SPECC1: variants seen among roughly 807,000 people sequenced by gnomAD.
SPECC1 encodes the protein sperm antigen with calponin homology and coiled-coil domains 1.
SPECC1 carries 62 observed loss-of-function variants against 104.1 expected under a neutral mutation model. The observed-to-expected ratio is 0.60, with a 90% CI of 0.49 to 0.74. SPECC1 has a LOEUF of 0.74. Among genes scored for constraint, SPECC1 ranks in the 30% least tolerant of loss-of-function variants. SPECC1 has a pLI of 0.00. For missense variants in SPECC1, 1,306 were observed against 1,310.5 expected (o/e 1.00, Z 0.05); for synonymous variants, 513 against 501.6 (o/e 1.02, Z -0.30).
intron 3 of SPECC1, among the ~76,000 whole-genome samples, chr17:20,157,142 G>T (rs1232303551): frequency 6.6e-6 from 1 of 152,208 alleles, no homozygotes; most frequent in East Asian, 1.9e-4. Flanking sequence ...GGAGCTGGGT[G>T]CCGTGCTGTA....
intron 1 of SPECC1, among the ~76,000 whole-genome samples, chr17:20,058,827 C>G (rs1567817637): frequency 7.0e-6 from 1 of 142,282 alleles, no homozygotes; most frequent in African/African-American, 2.6e-5. Flanking sequence ...TTATTGTTCA[C>G]TTTATTTCTT....
chr17:20,209,499 TCAAA>T (rs751939422), intron 4 of SPECC1, among the ~76,000 whole-genome samples: 5 of 152,210 alleles, frequency 3.3e-5, no homozygotes, highest in Non-Finnish European at 7.3e-5. Context: ...GGTGTCTTCC[TCAAA>T]CAATAAATGG....
chr17:20,225,242 G>A (rs2038130068), intron 4 of SPECC1, among the ~76,000 whole-genome samples: 1 of 152,142 alleles, frequency 6.6e-6, no homozygotes, highest in Non-Finnish European at 1.5e-5. Flanking sequence ...GGGAAGAGTG[G>A]TGCAAGCACT....
intron 7 of SPECC1, chr17:20,236,832 C>A: frequency 6.2e-7 from 1 of 1,613,742 alleles, no homozygotes; most frequent in Non-Finnish European, 8.5e-7. Context: ...TCCTTTACAG[C>A]CTCTCCCTCC....
chr17:20,053,733 G>T (rs1412166630), intron 1 of SPECC1, among the ~76,000 whole-genome samples: 1 of 152,188 alleles, frequency 6.6e-6, no homozygotes, highest in Admixed American at 6.5e-5. Flanking sequence ...GGACCCTCCG[G>T]CCCCAGTTGA....
intron 1 of SPECC1, among the ~76,000 whole-genome samples, chr17:20,013,016 G>C (rs1228324604): frequency 6.6e-6 from 1 of 152,160 alleles, no homozygotes; most frequent in Non-Finnish European, 1.5e-5. Context: ...CATCCATGTT[G>C]TAGCATGTGT....
chr17:20,248,711 T>G (rs1401834435), intron 9 of SPECC1, among the ~76,000 whole-genome samples: 1 of 152,230 alleles, frequency 6.6e-6, no homozygotes, highest in East Asian at 1.9e-4. Context: ...TTTTGAAGTG[T>G]TAGTCTGTTT....
chr17:20,161,135 C>A (rs1219192846), intron 3 of SPECC1, among the ~76,000 whole-genome samples: 1 of 152,104 alleles, frequency 6.6e-6, no homozygotes, highest in Non-Finnish European at 1.5e-5. Context: ...CGCTTGAGCC[C>A]GGGAGGCGGA....
At chr17:20,209,937 C>G (rs903282745) in intron 4 of SPECC1, among the ~76,000 whole-genome samples, 1 of 152,120 alleles carries the variant, frequency 6.6e-6, no homozygotes, top group Non-Finnish European at 1.5e-5. Context: ...AGGTGGTATC[C>G]TTAGAATCTT....
At chr17:20,235,978 C>G (rs2038886975) in intron 7 of SPECC1, among the ~76,000 whole-genome samples, 1 of 152,202 alleles carries the variant, frequency 6.6e-6, no homozygotes, top group African/African-American at 2.4e-5. Flanking sequence ...ACTGTGTGTG[C>G]CTGTGCTGCC....
rs1478128768 is a variant in SPECC1 at position 20,038,651 on chromosome 17, C to T, written c.-22+29227C>T. On this transcript the variant is annotated intron_variant, in intron 1 of 14. Coordinates refer to ENST00000395527, the MANE Select transcript of SPECC1 (RefSeq NM_001243439.2). ...TCCTGATCTTGTGATCCACCAGCCTCGGCCTCCCAAAGTGCTGGGATCACA... is the reference window on the plus strand; with the variant it reads ...TCCTGATCTTGTGATCCACCAGCCTTGGCCTCCCAAAGTGCTGGGATCACA... 3.3e-5 allele frequency among the ~76,000 whole-genome samples: 5 copies of T among 152,296 alleles called. No individual in the cohort carries two copies. In the South Asian group the frequency reaches 6.2e-4, roughly 19 times the overall value.
chr17:20,039,477 C>T (rs934076294), intron 1 of SPECC1, among the ~76,000 whole-genome samples: 3 of 152,080 alleles, frequency 2.0e-5, no homozygotes, highest in Non-Finnish European at 4.4e-5. Flanking sequence ...TATAGCCACT[C>T]CTTTCTTTTG....
At chr17:20,254,635 G>A (rs2039759565) in intron 10 of SPECC1, among the ~76,000 whole-genome samples, 1 of 152,152 alleles carries the variant, frequency 6.6e-6, no homozygotes, top group African/African-American at 2.4e-5. Context: ...TAGAACCTAT[G>A]TATGTGTCTA....
At chr17:20,083,952 AT>A (rs1430417679) in intron 1 of SPECC1, among the ~76,000 whole-genome samples, 1 of 152,072 alleles carries the variant, frequency 6.6e-6, no homozygotes, top group Non-Finnish European at 1.5e-5. Flanking sequence ...GATAGCTCTT[AT>A]GGTTTCAATT....
intron 3 of SPECC1, among the ~76,000 whole-genome samples, chr17:20,135,174 T>C (rs1346703537): frequency 6.6e-6 from 1 of 152,184 alleles, no homozygotes; most frequent in Non-Finnish European, 1.5e-5. Context: ...ATTGTCTTTG[T>C]TTGCATATTG....
At chr17:20,058,108 C>A (rs757065581) in intron 1 of SPECC1, among the ~76,000 whole-genome samples, 21 of 152,102 alleles carry the variant, frequency 1.4e-4, no homozygotes, top group Non-Finnish European at 2.6e-4. Flanking sequence ...CTGAAATATA[C>A]TACTTGAGTG....
At chr17:20,066,734 GTTGTTATGC>G (rs1193686281) in intron 1 of SPECC1, among the ~76,000 whole-genome samples, 2 of 145,106 alleles carry the variant, frequency 1.4e-5, no homozygotes, top group Admixed American at 1.4e-4. Context: ...ATACATAATT[GTTGTTATGC>G]TTAAGTAGTT....
intron 1 of SPECC1, among the ~76,000 whole-genome samples, chr17:20,030,595 A>C (rs1329692409): frequency 1.3e-5 from 2 of 152,166 alleles, no homozygotes; most frequent in African/African-American, 4.8e-5. Flanking sequence ...ATAATATTTT[A>C]TGCAATTGCT....
At chr17:20,103,154 G>A (rs1462180156) in intron 2 of SPECC1, among the ~76,000 whole-genome samples, 5 of 152,164 alleles carry the variant, frequency 3.3e-5, no homozygotes, top group East Asian at 3.9e-4. Context: ...CCCCTGTGAC[G>A]TGGGATGGGG....
Sources: gnomAD v4.1 joint callset for allele counts (sites outside exome capture counted in the v4.1 genomes callset) on GRCh38, gnomAD v4.1.1 for gene constraint, MANE v1.5 for transcripts, NCBI Gene and HGNC (gene_info 2026-07-23, HGNC 2026-07-21) for gene names.